Variants in ALKBH3 observed in about 807,000 individuals in gnomAD.
ALKBH3 encodes the protein alkB homolog 3, alpha-ketoglutarate dependent dioxygenase, also known as alpha-ketoglutarate-dependent dioxygenase alkB homolog 3.
Under a neutral mutation model 43.9 loss-of-function variants are expected in ALKBH3, and 51 were observed. That is an observed-to-expected ratio of 1.16 (90% CI 0.93 to 1.47). ALKBH3 has a LOEUF of 1.47. ALKBH3 is among the 40% of genes most tolerant of loss of function. ALKBH3 has a pLI of 0.00. For synonymous variants in ALKBH3, 102 were observed against 115.2 expected, an observed-to-expected ratio of 0.89 and a Z score of 0.73; for missense variants, 361 against 351.9, an observed-to-expected ratio of 1.03 and a Z score of -0.21.
At chr11:43,918,836 C>G in intron 8 of ALKBH3, 1 of 531,460 alleles carries the variant, frequency 1.9e-6, no homozygotes, top group Non-Finnish European at 3.3e-6. Flanking sequence ...GTCATCCTCC[C>G]CATTTTACAA....
chr11:43,884,141 G>A (rs1951732316), intron 4 of ALKBH3, 124 bp downstream of exon 4: 4 of 1,122,898 alleles, frequency 3.6e-6, no homozygotes, highest in East Asian at 5.0e-5. Flanking sequence ...TGTAGTCTGG[G>A]ATATTCCCAT....
rs764767598 is a variant in ALKBH3 at position 43,883,180 on chromosome 11, C to A, written c.175C>A (p.Pro59Thr). 10 of 1,612,794 alleles carry A rather than the reference C, an allele frequency of 6.2e-6. No individual in the cohort carries two copies. The highest frequency in any genetic ancestry group is 2.7e-5 in the African/African-American group (2 of 74,902). Residue 59 changes from proline to threonine, a missense_variant, in exon 3 of 10, where the codon CCT becomes ACT. Physicochemically the swap from Pro to Thr is conservative, Grantham distance 38. Transcript: ENST00000302708. The part of the protein sequence containing the change: ...LSDREFVFKE[P>T]QQVVRRAPEP... The stretch of plus-strand genomic sequence containing the variant: ...TGACAGAGAGTTTGTGTTCAAAGAA[C>A]CTCAGCAGGTAAATTCATGGTTTTT...
rs558991077 is a variant in ALKBH3 at position 43,919,304 on chromosome 11, TG to T, written c.768+170del. On this transcript the variant is annotated intron_variant, in intron 9 of 9. Transcript: ENST00000302708. ...GTTTTGCTACTACTGACAATCCAGG[TG>T]GACACTAGTGTGTCCGGTAGAACTT... Among the ~76,000 whole-genome samples, 395 of 152,342 alleles carry T rather than the reference TG, an allele frequency of 2.6e-3. 1 individual carries two copies. The highest frequency in any genetic ancestry group is 9.2e-3 in the African/African-American group (381 of 41,572).
At chr11:43,889,095 C>G (rs1408748208) in intron 5 of ALKBH3, among the ~76,000 whole-genome samples, 1 of 152,056 alleles carries the variant, frequency 6.6e-6, no homozygotes, top group Non-Finnish European at 1.5e-5. Context: ...ATGGTGTCAT[C>G]TCAGCTCACT....
chr11:43,888,666 CAA>C (rs1157892189), intron 5 of ALKBH3, among the ~76,000 whole-genome samples: 1 of 152,152 alleles, frequency 6.6e-6, no homozygotes, highest in Non-Finnish European at 1.5e-5. Context: ...GCAAGTCACT[CAA>C]GAAAACCAGT....
chr11:43,892,167 CTA>C, intron 7 of ALKBH3, 38 bp downstream of exon 7: 1 of 1,497,068 alleles, frequency 6.7e-7, no homozygotes, highest in Non-Finnish European at 9.3e-7. Flanking sequence ...GTTTTATAGA[CTA>C]TATACTATGT....
intron 7 of ALKBH3, among the ~76,000 whole-genome samples, chr11:43,892,519 A>G (rs1951791521): frequency 6.6e-6 from 1 of 151,786 alleles, no homozygotes; most frequent in African/African-American, 2.4e-5. Flanking sequence ...GCTATTTGTG[A>G]AAAAAAATCT....
chr11:43,905,698 C>G (rs2135196409), intron 8 of ALKBH3, among the ~76,000 whole-genome samples: 1 of 152,254 alleles, frequency 6.6e-6, no homozygotes, highest in African/African-American at 2.4e-5. Flanking sequence ...TAAAGCTTAT[C>G]AAATATACTT....
intron 4 of ALKBH3, among the ~76,000 whole-genome samples, chr11:43,886,045 A>G (rs1417494060): frequency 6.6e-6 from 1 of 152,182 alleles, no homozygotes; most frequent in East Asian, 1.9e-4. Flanking sequence ...GTAGTGGTGT[A>G]TTCAGGAGAT....
intron 7 of ALKBH3, chr11:43,898,061 C>CTGT: frequency 1.0e-6 from 1 of 979,062 alleles, no homozygotes; most frequent in South Asian, 1.3e-5. Context: ...ATCCCAGATG[C>CTGT]TGTCCTCAAG....
chr11:43,883,217 G>T, intron 3 of ALKBH3, 29 bp downstream of exon 3: 1 of 1,564,228 alleles, frequency 6.4e-7, no homozygotes, highest in South Asian at 1.2e-5. Flanking sequence ...CTTCAATAGT[G>T]ATAAAAATTT....
chr11:43,910,846 C>G (rs1050165924), intron 8 of ALKBH3, among the ~76,000 whole-genome samples: 1 of 152,128 alleles, frequency 6.6e-6, no homozygotes, highest in African/African-American at 2.4e-5. Context: ...CTGTCCATTA[C>G]CCAGATGTCA....
Position 43,901,571 on chromosome 11 carries a change from C to T in ALKBH3, c.515C>T (p.Thr172Ile). The change falls in exon 8 of 10, where the codon ACC becomes ATC. Residue 172 changes from threonine (T) to isoleucine (I), a missense_variant. Coordinates refer to ENST00000302708, the MANE Select transcript of ALKBH3 (RefSeq NM_139178.4). ...KNRIEENTGH[T>I]FNSLLCNLYR... ...CGCATTGAAGAGAACACTGGCCACACCTTCAACTCCTTACTCTGCAATCTT... is the reference window on the plus strand; with the variant it reads ...CGCATTGAAGAGAACACTGGCCACATCTTCAACTCCTTACTCTGCAATCTT... The T allele has an allele frequency of 6.2e-7, 1 of 1,614,216 alleles. No individual in the cohort carries two copies. Among genetic ancestry groups the T allele is most frequent in the Non-Finnish European group, 8.5e-7 (1 of 1,180,046 alleles).
At chr11:43,888,943 C>T (rs1013596542) in intron 5 of ALKBH3, among the ~76,000 whole-genome samples, 5 of 152,220 alleles carry the variant, frequency 3.3e-5, no homozygotes, top group African/African-American at 1.2e-4. Context: ...TCATAATGAG[C>T]TGTAGCTTTT....
At chr11:43,918,956 AT>A (rs34866196) in intron 8 of ALKBH3, 81 bp from the exon 9 acceptor site, 22,605 of 1,058,510 alleles carry the variant, frequency 0.021, 437 homozygotes, top group African/African-American at 0.11. Flanking sequence ...AGAGGTTTCC[AT>A]TTTTTTTTGA....
chr11:43,888,412 T>C (rs1264909603), intron 5 of ALKBH3, among the ~76,000 whole-genome samples: 1 of 152,246 alleles, frequency 6.6e-6, no homozygotes, highest in Admixed American at 6.5e-5. Context: ...CTAGGATAGA[T>C]TTCAGTAGTT....
chr11:43,901,348 T>C (rs1221338157), intron 7 of ALKBH3, among the ~76,000 whole-genome samples, 168 bp from the exon 8 acceptor site: 1 of 152,268 alleles, frequency 6.6e-6, no homozygotes, highest in Admixed American at 6.5e-5. Context: ...TGGGAGGGAA[T>C]TAAACTACTT....
chr11:43,918,966 G>T lies in ALKBH3; in HGVS notation c.670-72G>T, dbSNP rs1425813753. The T allele has an allele frequency of 6.6e-5, 78 of 1,175,526 alleles. No homozygotes were observed. Among genetic ancestry groups the T allele is most frequent in the Middle Eastern group, 2.4e-4 (1 of 4,250 alleles). The allele number at this position is 1,175,526 out of a possible 1,614,324, so 72.8% of individuals were successfully genotyped here. A position where few individuals can be genotyped will look rare whatever the true frequency, so the allele number is the denominator to read the frequency against. On this transcript the variant is annotated intron_variant, in intron 8 of 9. Transcript: ENST00000302708. ...TGAGCAGAGGTTTCCATTTTTTTTT[G>T]ACCTCTGTCAGGTTCTGTTGCATCT...
At chr11:43,904,289 C>G (rs1951881882) in intron 8 of ALKBH3, among the ~76,000 whole-genome samples, 1 of 152,162 alleles carries the variant, frequency 6.6e-6, no homozygotes, top group African/African-American at 2.4e-5. Flanking sequence ...AACAAAGTTG[C>G]CTGAGGAAAG....
Sources: gnomAD v4.1 joint callset for allele counts (sites outside exome capture counted in the v4.1 genomes callset) on GRCh38, gnomAD v4.1.1 for gene constraint, MANE v1.5 for transcripts, NCBI Gene and HGNC (gene_info 2026-07-23, HGNC 2026-07-21) for gene names.